The following DLG2 variants were observed in gnomAD, a reference collection of about 807,000 sequenced individuals.
DLG2 encodes disks large homolog 2.
Under a neutral mutation model 132.5 loss-of-function variants are expected in DLG2, and 45 were observed. The ratio of observed to expected loss-of-function variants is 0.34; its 90% CI spans 0.27 to 0.44. The LOEUF (loss-of-function observed/expected upper bound fraction) is 0.44. DLG2 is among the 20% of genes least tolerant of loss of function. The pLI is 1.00. For synonymous variants in DLG2, 424 were observed against 419.6 expected, an observed-to-expected ratio of 1.01 and a Z score of -0.13; for missense variants, 1,045 against 1,196.9, an observed-to-expected ratio of 0.87 and a Z score of 1.87.
chr11:83,766,617 C>T (rs1446699090), intron 18 of DLG2, among the ~76,000 whole-genome samples: 1 of 151,902 alleles, frequency 6.6e-6, no homozygotes, highest in East Asian at 1.9e-4. Flanking sequence ...TAACAAACTG[C>T]CTGTTAATTT....
intron 6 of DLG2, among the ~76,000 whole-genome samples, chr11:84,902,299 G>C (rs1365058036): frequency 6.6e-6 from 1 of 151,992 alleles, no homozygotes; most frequent in Non-Finnish European, 1.5e-5. Flanking sequence ...TCTTACAAAG[G>C]CTTCTTTTAC....
chr11:85,255,709 T>C lies in DLG2; in HGVS notation c.186+29511A>G, dbSNP rs554555063. 3.9e-5 allele frequency among the ~76,000 whole-genome samples: 6 copies of C among 152,322 alleles called. No individual in the cohort carries two copies. The East Asian group carries it at 7.7e-4, about 20-fold the overall frequency. On this transcript the variant is annotated intron_variant, in intron 4 of 27. Coordinates refer to ENST00000376104, the MANE Select transcript of DLG2 (RefSeq NM_001142699.3). ...ATTTGAAAATGACTTCTAATTATTA[T>C]ATGTTTGGTCTTTGCATTGGAAGAC... is the stretch of plus-strand genomic sequence containing the variant.
intron 15 of DLG2, among the ~76,000 whole-genome samples, chr11:83,902,931 G>A (rs939892638): frequency 6.6e-6 from 1 of 152,046 alleles, no homozygotes; most frequent in African/African-American, 2.4e-5. Context: ...TTTTTCTTAC[G>A]TTCTCAGTCA....
chr11:85,231,473 C>T (rs1050248206), intron 4 of DLG2, among the ~76,000 whole-genome samples: 10 of 151,900 alleles, frequency 6.6e-5, no homozygotes, highest in African/African-American at 2.2e-4. Context: ...CCATCTTTTC[C>T]TTTACATTAT....
intron 6 of DLG2, among the ~76,000 whole-genome samples, chr11:84,806,576 T>C (rs2076025326): frequency 6.6e-6 from 1 of 152,168 alleles, no homozygotes; most frequent in South Asian, 2.1e-4. Context: ...AAGAATACTA[T>C]ACTCAGTGAA....
intron 6 of DLG2, among the ~76,000 whole-genome samples, chr11:84,813,651 C>A (rs1035538466): frequency 6.6e-6 from 1 of 152,052 alleles, no homozygotes; most frequent in Non-Finnish European, 1.5e-5. Context: ...ATTGAGACAA[C>A]CCCAGGCAGG....
chr11:84,489,066 T>C (rs1056799146), intron 7 of DLG2, among the ~76,000 whole-genome samples: 2 of 152,188 alleles, frequency 1.3e-5, no homozygotes, highest in African/African-American at 4.8e-5. Context: ...ACCTAATAGA[T>C]AATAGAGAGG....
At chr11:84,434,011 G>A (rs534279408) in intron 7 of DLG2, among the ~76,000 whole-genome samples, 1 of 151,758 alleles carries the variant, frequency 6.6e-6, no homozygotes, top group South Asian at 2.1e-4. Flanking sequence ...CCAGCTACTC[G>A]GAAGGCTGCG....
chr11:85,490,637 C>T, intron 3 of DLG2, among the ~76,000 whole-genome samples: 1 of 151,930 alleles, frequency 6.6e-6, no homozygotes, highest in South Asian at 2.1e-4. Flanking sequence ...CACAGAAATA[C>T]AAAAGATCAT....
intron 6 of DLG2, among the ~76,000 whole-genome samples, chr11:84,761,443 T>G (rs952922676): frequency 1.3e-5 from 2 of 152,084 alleles, no homozygotes; most frequent in African/African-American, 4.8e-5. Context: ...GTGAGGGTGT[T>G]GCCAAAGGAG....
At chr11:85,002,610 A>C (rs567556825) in intron 6 of DLG2, among the ~76,000 whole-genome samples, 2 of 152,228 alleles carry the variant, frequency 1.3e-5, no homozygotes, top group East Asian at 3.9e-4. Context: ...TGTGGCCTTG[A>C]GATTTTAGTG....
At chr11:85,234,966 C>T (rs1292326516) in intron 4 of DLG2, among the ~76,000 whole-genome samples, 6 of 151,872 alleles carry the variant, frequency 4.0e-5, no homozygotes, top group African/African-American at 1.4e-4. Context: ...ACTATATATG[C>T]ATCTATCTCT....
intron 3 of DLG2, among the ~76,000 whole-genome samples, chr11:85,561,833 A>C (rs1335439164): frequency 6.6e-6 from 1 of 151,858 alleles, no homozygotes; most frequent in African/African-American, 2.4e-5. Context: ...AATTTGATTG[A>C]ACACTTATAA....
At chr11:84,012,569 CTA>C (rs1434432749) in intron 11 of DLG2, among the ~76,000 whole-genome samples, 4 of 152,112 alleles carry the variant, frequency 2.6e-5, no homozygotes, top group African/African-American at 7.2e-5. Context: ...ACCAGGGAGA[CTA>C]TGAGATTGTG....
intron 7 of DLG2, among the ~76,000 whole-genome samples, chr11:84,360,668 T>C (rs1042427584): frequency 2.6e-5 from 4 of 151,734 alleles, no homozygotes; most frequent in Non-Finnish European, 5.9e-5. Context: ...CAGGTAGAAT[T>C]TGTGGTCAGA....
intron 8 of DLG2, among the ~76,000 whole-genome samples, chr11:84,248,873 C>T (rs1384421395): frequency 1.3e-5 from 2 of 152,060 alleles, no homozygotes; most frequent in Non-Finnish European, 2.9e-5. Flanking sequence ...GACTCTGTCT[C>T]AACAGCAACA....
intron 6 of DLG2, chr11:84,923,444 A>G (rs373386694): frequency 1.5e-4 from 139 of 948,014 alleles, no homozygotes; most frequent in East Asian, 1.1e-3. Context: ...GAAGAAGAAG[A>G]AGGAGGGGGG....
intron 15 of DLG2, among the ~76,000 whole-genome samples, chr11:83,888,693 C>T (rs998745341): frequency 7.2e-5 from 11 of 152,170 alleles, no homozygotes; most frequent in Admixed American, 3.3e-4. Context: ...TACCTGACTT[C>T]AAACTTGTAG....
At chr11:84,458,999 T>C (rs2099072985) in intron 7 of DLG2, among the ~76,000 whole-genome samples, 1 of 150,654 alleles carries the variant, frequency 6.6e-6, no homozygotes, top group Non-Finnish European at 1.5e-5. Flanking sequence ...GAGATAGAAT[T>C]ACATATCCAA....
Sources: gnomAD v4.1 joint callset for allele counts (sites outside exome capture counted in the v4.1 genomes callset) on GRCh38, gnomAD v4.1.1 for gene constraint, MANE v1.5 for transcripts, NCBI Gene and HGNC (gene_info 2026-07-23, HGNC 2026-07-21) for gene names.